Variants in NRXN3 observed in about 807,000 individuals in gnomAD.
NRXN3 encodes neurexin 3, also known as neurexin III.
In NRXN3, 32 loss-of-function variants were observed where a neutral mutation model predicts 137.6. The ratio of observed to expected loss-of-function variants is 0.23; its 90% CI spans 0.18 to 0.31. The LOEUF (loss-of-function observed/expected upper bound fraction) is 0.31, where lower values mean the gene tolerates loss of function less well. Ranked by LOEUF, NRXN3 falls within the 10% of genes least tolerant of loss-of-function variation. The probability of loss-of-function intolerance (pLI) is 1.00; values close to 1 mark genes in which losing one functional copy is unlikely to be tolerated. For synonymous variants in NRXN3, 798 were observed against 784.5 expected, an observed-to-expected ratio of 1.02 and a Z score of -0.29; for missense variants, 1,574 against 2,062.5, an observed-to-expected ratio of 0.76 and a Z score of 4.59.
rs1294542065 is a variant in NRXN3 at position 79,560,537 on chromosome 14, GTC to G, written c.3444+93143_3444+93144del. ...TTTTTTTTTTTTTTTTTGAGATGGA[GTC>G]TCTCTCTGTTGCCCAGGCTGGAGTG... is the stretch of plus-strand genomic sequence containing the variant. On this transcript the variant is annotated intron_variant, in intron 16 of 20. Transcript: ENST00000335750. 9.6e-3 allele frequency among the ~76,000 whole-genome samples: 268 copies of G among 27,940 alleles called. 1 individual carries two copies. Among genetic ancestry groups the G allele is most frequent in the African/African-American group, 0.021 (256 of 12,028 alleles). The allele number at this position is 27,940 out of a possible 152,430, so 18.3% of individuals were successfully genotyped here.
chr14:79,180,395 A>C (rs1346003513), intron 15 of NRXN3, among the ~76,000 whole-genome samples: 1 of 152,222 alleles, frequency 6.6e-6, no homozygotes, highest in African/African-American at 2.4e-5. Context: ...TTGGCCACAC[A>C]AAAACAAGTA....
chr14:78,687,544 T>C (rs564926118), intron 6 of NRXN3, among the ~76,000 whole-genome samples: 28 of 152,220 alleles, frequency 1.8e-4, no homozygotes, highest in Non-Finnish European at 3.5e-4. Flanking sequence ...CTAGGCTGTG[T>C]TGTGGCAACA....
At chr14:79,784,589 T>C (rs2099123500) in intron 19 of NRXN3, among the ~76,000 whole-genome samples, 1 of 150,626 alleles carries the variant, frequency 6.6e-6, no homozygotes, top group Admixed American at 6.6e-5. Flanking sequence ...TTTTGTTGCA[T>C]TTGTAGGTAC....
At chr14:78,410,958 C>T (rs1485599988) in intron 4 of NRXN3, among the ~76,000 whole-genome samples, 2 of 152,168 alleles carry the variant, frequency 1.3e-5, no homozygotes, top group Admixed American at 1.3e-4. Context: ...AAGGCTTATA[C>T]TTCTTAGCTG....
In NRXN3 at chr14:78,896,223, T is replaced by G. The variant is rs143598654; in HGVS notation, c.2276-61019T>G. Among the ~76,000 whole-genome samples, 84 of 152,008 alleles carry G rather than the reference T, an allele frequency of 5.5e-4. 1 individual carries two copies. The highest frequency in any genetic ancestry group is 3.4e-3 in the Middle Eastern group (1 of 294). Reference sequence around the variant, plus strand: ...CCTATTCTTTGAAGAGGCTTTTAAATAGAGTTGATTGCATGGCATTGCCTA... The same window carrying G: ...CCTATTCTTTGAAGAGGCTTTTAAAGAGAGTTGATTGCATGGCATTGCCTA... On this transcript the variant is annotated intron_variant, in intron 10 of 20. Transcript: ENST00000335750.
intron 4 of NRXN3, among the ~76,000 whole-genome samples, chr14:78,347,215 T>G (rs1184358730): frequency 6.6e-6 from 1 of 152,200 alleles, no homozygotes; most frequent in African/African-American, 2.4e-5. Flanking sequence ...ATGGGGACAA[T>G]TTAAAACAAC....
At chr14:78,261,312 T>C (rs761888896) in intron 2 of NRXN3, among the ~76,000 whole-genome samples, 3 of 152,198 alleles carry the variant, frequency 2.0e-5, no homozygotes, top group Non-Finnish European at 4.4e-5. Flanking sequence ...GATTTTGCTC[T>C]GCTCTGATCC....
chr14:78,844,244 T>G (rs1330890119), intron 10 of NRXN3, among the ~76,000 whole-genome samples: 1 of 152,140 alleles, frequency 6.6e-6, no homozygotes, highest in Non-Finnish European at 1.5e-5. Flanking sequence ...TACATGTGAT[T>G]GCATTTAGAA....
At position 79,861,409 on chromosome 14, in the gene NRXN3, G is replaced by A; in HGVS notation, c.4161G>A (p.Lys1387=). The A allele has an allele frequency of 6.5e-7, 1 of 1,536,226 alleles. No homozygotes were observed. Among genetic ancestry groups the A allele is most frequent in the South Asian group, 1.2e-5 (1 of 84,058 alleles). ...YKAHAPKWES[K]DFRPNKVSET... Reference sequence around the variant, plus strand: ...CACATGCGCCCAAGTGGGAATCCAAGGACTTTAGACCTAACAAAGTCTCCG... The same window carrying A: ...CACATGCGCCCAAGTGGGAATCCAAAGACTTTAGACCTAACAAAGTCTCCG... Residue 1387 remains lysine (K), a synonymous_variant, in exon 21 of 21, where the codon AAG becomes AAA. Coordinates refer to ENST00000335750, the MANE Select transcript of NRXN3 (RefSeq NM_001330195.2). The surrounding 1 kb of genome is among the most constrained non-coding windows in gnomAD (Gnocchi z 5.4).
chr14:79,345,891 C>G (rs1323269341), intron 15 of NRXN3, among the ~76,000 whole-genome samples: 1 of 152,180 alleles, frequency 6.6e-6, no homozygotes, highest in Admixed American at 6.5e-5. Flanking sequence ...TATAAATTAT[C>G]CAACCTCAAG....
chr14:79,296,944 A>G (rs535166486), intron 15 of NRXN3, among the ~76,000 whole-genome samples: 5 of 152,260 alleles, frequency 3.3e-5, no homozygotes, highest in African/African-American at 1.2e-4. Flanking sequence ...TAGCCTCATC[A>G]CTCAAAGGTC....
chr14:78,605,764 G>T (rs1485217816), intron 4 of NRXN3, among the ~76,000 whole-genome samples: 1 of 152,076 alleles, frequency 6.6e-6, no homozygotes, highest in African/African-American at 2.4e-5. Context: ...GTGTTAAATG[G>T]TGTAGTAGTA....
At chr14:78,610,269 G>A (rs1198151495) in intron 4 of NRXN3, among the ~76,000 whole-genome samples, 1 of 152,098 alleles carries the variant, frequency 6.6e-6, no homozygotes, top group Non-Finnish European at 1.5e-5. Context: ...TGTCAATTGA[G>A]GTAGCTTCTT....
rs1204402948 is a variant in NRXN3 at position 79,861,193 on chromosome 14, G to A, written c.4094-149G>A. 4.6e-6 allele frequency: 7 copies of A among 1,533,304 alleles called. No homozygotes were observed. Among genetic ancestry groups the A allele is most frequent in the African/African-American group, 1.4e-5 (1 of 72,734 alleles). The allele number at this position is 1,533,304 out of a possible 1,614,324, so 95.0% of individuals were successfully genotyped here. On this transcript the variant is annotated intron_variant, in intron 20 of 20. Coordinates refer to ENST00000335750, the MANE Select transcript of NRXN3 (RefSeq NM_001330195.2). The surrounding 1 kb of genome is among the most constrained non-coding windows in gnomAD (Gnocchi z 5.4). ...ATTCCCTGTCCATGACCTCTGAGGC[G>A]GGGTTACCTTGCTTGTCGGACCAAG... is the stretch of plus-strand genomic sequence containing the variant.
At chr14:79,160,621 T>C (rs1319404914) in intron 15 of NRXN3, among the ~76,000 whole-genome samples, 2 of 151,976 alleles carry the variant, frequency 1.3e-5, no homozygotes, top group Non-Finnish European at 2.9e-5. Flanking sequence ...CTTGTTCTTT[T>C]TTTAACGTGA....
chr14:79,013,555 T>C (rs1174838909), intron 15 of NRXN3, among the ~76,000 whole-genome samples: 5 of 152,170 alleles, frequency 3.3e-5, no homozygotes, highest in African/African-American at 9.6e-5. Flanking sequence ...TTTCTCTTCA[T>C]ATTAGATTTT....
chr14:79,683,124 G>A (rs946373238), intron 17 of NRXN3, among the ~76,000 whole-genome samples: 6 of 152,156 alleles, frequency 3.9e-5, no homozygotes, highest in Non-Finnish European at 5.9e-5. Flanking sequence ...TTTAATGTTC[G>A]CTCAGAAATA....
intron 19 of NRXN3, among the ~76,000 whole-genome samples, chr14:79,724,336 A>G (rs1459026025): frequency 1.3e-5 from 2 of 152,158 alleles, no homozygotes. Context: ...CAGACATCAG[A>G]AAATGTCACA....
intron 19 of NRXN3, among the ~76,000 whole-genome samples, chr14:79,799,128 G>C (rs1002341599): frequency 6.6e-6 from 1 of 152,094 alleles, no homozygotes; most frequent in Non-Finnish European, 1.5e-5. Context: ...AATACATAGG[G>C]CTCCTGCCAG....
Sources: gnomAD v4.1 joint callset for allele counts (sites outside exome capture counted in the v4.1 genomes callset) on GRCh38, gnomAD v4.1.1 for gene constraint, Gnocchi (gnomAD v3.1) non-coding constraint, MANE v1.5 for transcripts, NCBI Gene and HGNC (gene_info 2026-07-23, HGNC 2026-07-21) for gene names.